LRRC49: variants seen among roughly 807,000 people sequenced by gnomAD.
LRRC49 encodes leucine-rich repeat-containing protein 49.
LRRC49 carries 50 observed loss-of-function variants against 83.3 expected under a neutral mutation model. The ratio of observed to expected loss-of-function variants is 0.60; its 90% CI spans 0.48 to 0.76. The LOEUF is 0.76. LRRC49 is among the 30% of genes least tolerant of loss of function. The pLI, the probability that LRRC49 is intolerant of heterozygous loss-of-function variation, is 0.00. For missense variants in LRRC49, 704 were observed against 809.1 expected (o/e 0.87, Z 1.58); for synonymous variants, 286 against 283.3 (o/e 1.01, Z -0.10).
Position 70,916,486 on chromosome 15 carries a change from G to C in LRRC49, c.568-2564G>C, listed in dbSNP as rs530237816. Among the ~76,000 whole-genome samples, 3 of 152,158 alleles carry C rather than the reference G, an allele frequency of 2.0e-5. No individual in the cohort carries two copies. In the East Asian group the frequency reaches 5.8e-4, roughly 29 times the overall value. ...GTTTTTGTATTTTTAGTAGAGACAG[G>C]GTTTCACCATGTTGGTCAGGCTGGT... On this transcript the variant is annotated intron_variant, in intron 6 of 15. Coordinates refer to ENST00000260382, the MANE Select transcript of LRRC49 (RefSeq NM_017691.5).
At position 70,901,004 on chromosome 15, in the gene LRRC49, A is replaced by G. The variant is rs1453196244; in HGVS notation, c.276A>G (p.Ser92=). The G allele has an allele frequency of 6.2e-7, 1 of 1,607,870 alleles. No individual in the cohort carries two copies. The highest frequency in any genetic ancestry group is 2.2e-5 in the East Asian group (1 of 44,750). The change falls in exon 4 of 16, where the codon TCA becomes TCG. Residue 92 remains serine (S), a synonymous_variant. Coordinates refer to ENST00000260382, the MANE Select transcript of LRRC49 (RefSeq NM_017691.5). The stretch of plus-strand genomic sequence containing the variant: ...CTTCTGAAGAGAAAATTCTTTACTC[A>G]GACAGGTTGAGCCTAGAAAGGTGAG... ...QRSSEEKILY[S]DRLSLERQKL...
intron 14 of LRRC49, among the ~76,000 whole-genome samples, chr15:71,026,652 A>C (rs897728558): frequency 6.6e-6 from 1 of 152,202 alleles, no homozygotes; most frequent in South Asian, 2.1e-4. Flanking sequence ...CTGACATATT[A>C]TCTCATTGTG....
At position 70,892,826 on chromosome 15, in the gene LRRC49, C is replaced by T. The variant is rs1567038926; in HGVS notation, c.-69C>T. The T allele has an allele frequency of 1.2e-6, 2 of 1,613,872 alleles. No homozygotes were observed. The highest frequency in any genetic ancestry group is 2.2e-5 in the East Asian group (1 of 44,880). On this transcript the variant is annotated 5_prime_UTR_variant, in exon 1 of 16. Transcript: ENST00000260382. ...GCCTGGGAGATGACCTCTTTCGGGT[C>T]TCTTTGAATCTCCGCTGTAGCGTCA...
intron 4 of LRRC49, 56 bp from the exon 5 acceptor site, chr15:70,904,496 A>T (rs987403472): frequency 8.6e-7 from 1 of 1,158,046 alleles, no homozygotes; most frequent in African/African-American, 1.5e-5. Flanking sequence ...TAATATTTGT[A>T]AGAAGAGGTA....
chr15:70,930,390 A>C (rs1294791066), intron 7 of LRRC49, among the ~76,000 whole-genome samples: 4 of 151,466 alleles, frequency 2.6e-5, no homozygotes, highest in Non-Finnish European at 5.9e-5. Flanking sequence ...ACCATGCTGC[A>C]GACAGATATA....
intron 8 of LRRC49, among the ~76,000 whole-genome samples, chr15:70,961,488 G>A (rs1403684119): frequency 6.6e-6 from 1 of 152,168 alleles, no homozygotes; most frequent in African/African-American, 2.4e-5. Context: ...AACAAAAACT[G>A]GAAGCAGCCA....
chr15:71,046,164 C>T lies in LRRC49; in HGVS notation c.1858-3245C>T, dbSNP rs369810090. Among the ~76,000 whole-genome samples, 136 of 152,120 alleles carry T rather than the reference C, an allele frequency of 8.9e-4. 6 individuals are homozygous for T. In the South Asian group the frequency reaches 0.025, roughly 28 times the overall value. On this transcript the variant is annotated intron_variant, in intron 15 of 15. Coordinates refer to ENST00000260382, the MANE Select transcript of LRRC49 (RefSeq NM_017691.5). ...AATAGTGTAGCAATGAACATATGAG[C>T]GCATGTGTCTTTTTGGTAGAATGAT...
chr15:70,873,405 C>T (rs2033091564), intron 2 of LRRC49, among the ~76,000 whole-genome samples: 1 of 152,178 alleles, frequency 6.6e-6, no homozygotes, highest in South Asian at 2.1e-4. Context: ...CTTAGGGAGT[C>T]TTTACCACTA....
chr15:70,866,440 C>T (rs1036518615), intron 1 of LRRC49, among the ~76,000 whole-genome samples: 5 of 152,256 alleles, frequency 3.3e-5, no homozygotes, highest in African/African-American at 4.8e-5. Flanking sequence ...CGACCACGTC[C>T]GGCCACTAAG....
chr15:70,985,547 A>G (rs1179012883), intron 11 of LRRC49, among the ~76,000 whole-genome samples: 1 of 152,140 alleles, frequency 6.6e-6, no homozygotes, highest in African/African-American at 2.4e-5. Context: ...TCACATGAGT[A>G]GGTTGGGAAA....
intron 3 of LRRC49, among the ~76,000 whole-genome samples, chr15:70,896,986 A>G (rs1285817156): frequency 6.6e-6 from 1 of 152,216 alleles, no homozygotes; most frequent in Non-Finnish European, 1.5e-5. Flanking sequence ...ACTTATTTAT[A>G]AAGCAAGTAT....
intron 6 of LRRC49, among the ~76,000 whole-genome samples, chr15:70,915,888 C>G: frequency 6.6e-6 from 1 of 152,036 alleles, no homozygotes; most frequent in East Asian, 1.9e-4. Flanking sequence ...TGTTTCTTTT[C>G]TGGAAACTGG....
At chr15:70,904,425 T>A in intron 4 of LRRC49, 127 bp from the exon 5 acceptor site, 1 of 597,928 alleles carries the variant, frequency 1.7e-6, no homozygotes. Flanking sequence ...TTCATGGGGG[T>A]TGGAAGTGGT....
chr15:70,894,435 C>T (rs527883570), intron 2 of LRRC49: 34 of 338,048 alleles, frequency 1.0e-4, no homozygotes, highest in African/African-American at 4.8e-4. Flanking sequence ...TTAGAAGTTA[C>T]GATATGAATA....
Position 70,854,260 on chromosome 15 carries a change from G to GCCGCCA in LRRC49, c.-299+794_-299+799dup, listed in dbSNP as rs1285532202. ...CCGCGCCGCCGCCGCCGCCGCCGCCGCCGCCACCACCCCGACCGCTAGTGG... is the reference window on the plus strand; with the variant it reads ...CCGCGCCGCCGCCGCCGCCGCCGCCGCCGCCACCGCCACCACCCCGACCGCTAGTGG... On this transcript the variant is annotated intron_variant, in intron 1 of 16. Coordinates refer to the LRRC49 transcript ENST00000544974. 5.0e-5 allele frequency: 13 copies of GCCGCCA among 261,862 alleles called. No homozygotes were observed. In the South Asian group the frequency reaches 7.7e-4, roughly 16 times the overall value. 16.2% of individuals were successfully genotyped at this position (261,862 alleles called of 1,614,324 possible). A position where few individuals can be genotyped will look rare whatever the true frequency, so the allele number is the denominator to read the frequency against.
At chr15:70,916,427 TG>T (rs1242528834) in intron 6 of LRRC49, among the ~76,000 whole-genome samples, 3 of 152,160 alleles carry the variant, frequency 2.0e-5, no homozygotes, top group African/African-American at 7.2e-5. Flanking sequence ...CCTGAATAGC[TG>T]GGATTACAGG....
chr15:71,038,024 T>A (rs561111752), intron 15 of LRRC49, among the ~76,000 whole-genome samples: 31 of 152,240 alleles, frequency 2.0e-4, no homozygotes, highest in African/African-American at 7.0e-4. Context: ...AATACAACGT[T>A]GTGACCCTTC....
chr15:70,923,890 A>G (rs2035096513), intron 7 of LRRC49, among the ~76,000 whole-genome samples: 1 of 151,848 alleles, frequency 6.6e-6, no homozygotes, highest in East Asian at 1.9e-4. Context: ...ATACTTCGGT[A>G]TGTATTTCCT....
intron 2 of LRRC49, chr15:70,894,760 G>A (rs2033758074): frequency 2.7e-6 from 1 of 366,502 alleles, no homozygotes; most frequent in African/African-American, 2.2e-5. Flanking sequence ...AGAAGGGTAA[G>A]AAAAGGCATG....
Sources: allele counts gnomAD v4.1 joint callset (sites outside exome capture counted in the v4.1 genomes callset), GRCh38; gene constraint gnomAD v4.1.1; transcripts MANE v1.5; gene names NCBI Gene and HGNC (gene_info 2026-07-23, HGNC 2026-07-21).